Variants in UBXN2A observed in about 807,000 individuals in gnomAD.
UBXN2A encodes the protein UBX domain protein 2A.
A neutral mutation model predicts 28.4 loss-of-function variants in UBXN2A; 28 were observed. The ratio of observed to expected loss-of-function variants is 0.99; its 90% CI spans 0.73 to 1.35. UBXN2A has a LOEUF of 1.35. UBXN2A is among the 40% of genes most tolerant of loss of function. The pLI is 0.00. For synonymous variants in UBXN2A, 97 were observed against 103.6 expected (o/e 0.94, Z 0.39); for missense variants, 253 against 297.9 (o/e 0.85, Z 1.11).
At chr2:23,946,373 T>G (rs1250290584) in intron 1 of UBXN2A, among the ~76,000 whole-genome samples, 1 of 151,392 alleles carries the variant, frequency 6.6e-6, no homozygotes, top group Admixed American at 6.6e-5. Flanking sequence ...CAGGCTGGAG[T>G]GCAGTGGCGT....
chr2:23,960,611 T>C (rs983678493), intron 2 of UBXN2A, among the ~76,000 whole-genome samples: 1 of 152,122 alleles, frequency 6.6e-6, no homozygotes, highest in Non-Finnish European at 1.5e-5. Context: ...CATTGTCCTA[T>C]GCCTTGCCCC....
At chr2:23,992,172 A>G (rs545117990) in intron 6 of UBXN2A, among the ~76,000 whole-genome samples, 1 of 151,888 alleles carries the variant, frequency 6.6e-6, no homozygotes, top group East Asian at 2.0e-4. Flanking sequence ...GGGTTTCACC[A>G]TGTTGGCCAG....
intron 2 of UBXN2A, among the ~76,000 whole-genome samples, chr2:23,967,750 G>C (rs1218535236): frequency 6.6e-6 from 1 of 152,164 alleles, no homozygotes; most frequent in Non-Finnish European, 1.5e-5. Flanking sequence ...ATCTTAGGGT[G>C]TAACTATTTC....
rs1455234463 is a variant in UBXN2A at position 24,003,905 on chromosome 2, G to T, written c.*4038G>T. 6.6e-6 allele frequency: 1 copy of T among 152,040 alleles called. No individual in the cohort carries two copies. Among genetic ancestry groups the T allele is most frequent in the Admixed American group, 6.6e-5 (1 of 15,252 alleles). The allele number at this position is 152,040 out of a possible 1,614,324, so 9.4% of individuals were successfully genotyped here. A position where few individuals can be genotyped will look rare whatever the true frequency, so the allele number is the denominator to read the frequency against. On this transcript the variant is annotated 3_prime_UTR_variant, in exon 7 of 7. Coordinates refer to ENST00000309033, the MANE Select transcript of UBXN2A (RefSeq NM_181713.4). Reference sequence around the variant, plus strand: ...TCAACATATGATTCTCCATGTAGGGGTCTCTCATTGAGAATGTTTCCTGTG... The same window carrying T: ...TCAACATATGATTCTCCATGTAGGGTTCTCTCATTGAGAATGTTTCCTGTG...
chr2:23,970,358 A>C (rs1707363624), intron 2 of UBXN2A, among the ~76,000 whole-genome samples: 1 of 152,020 alleles, frequency 6.6e-6, no homozygotes, highest in Non-Finnish European at 1.5e-5. Flanking sequence ...ACCTAGAGAG[A>C]TTTTTGCCCC....
chr2:23,954,751 CA>C (rs1706532569), intron 1 of UBXN2A, among the ~76,000 whole-genome samples: 2 of 149,482 alleles, frequency 1.3e-5, no homozygotes, highest in Admixed American at 6.7e-5. Flanking sequence ...CCCATTTTTG[CA>C]TATCTTTTTT....
In UBXN2A at chr2:23,931,689, A is replaced by T. The variant is rs148146792; in HGVS notation, c.-138+4074A>T. Among the ~76,000 whole-genome samples the T allele has an allele frequency of 3.3e-3, 500 of 152,272 alleles. 4 individuals are homozygous for T. Among genetic ancestry groups the T allele is most frequent in the African/African-American group, 0.012 (486 of 41,558 alleles). On this transcript the variant is annotated intron_variant, in intron 1 of 7. Coordinates refer to the UBXN2A transcript ENST00000404924. ...CTTTCATTTCCAATGCATTTGCTCA[A>T]CCCCAGTGAATTTGACCTTTTCTCT...
intron 4 of UBXN2A, among the ~76,000 whole-genome samples, chr2:23,979,924 T>C (rs1203583781): frequency 1.3e-5 from 2 of 151,552 alleles, no homozygotes; most frequent in African/African-American, 4.9e-5. Context: ...TTTCTTTTAT[T>C]TATGTAAAAA....
At position 23,984,801 on chromosome 2, in the gene UBXN2A, G is replaced by T; in HGVS notation, c.554G>T (p.Arg185Met). Residue 185 changes from arginine to methionine, a missense_variant, in exon 6 of 7, where the codon AGG becomes ATG. Coordinates refer to ENST00000309033, the MANE Select transcript of UBXN2A (RefSeq NM_181713.4). ...CAGATCTGGTTGGCCAATGGAAAAA[G>T]GATTGTCCAGAAATTTAACATTACT... ...NIQIWLANGK[R>M]IVQKFNITHR... 6.4e-7 allele frequency: 1 copy of T among 1,556,936 alleles called. No individual in the cohort carries two copies. The highest frequency in any genetic ancestry group is 1.2e-5 in the South Asian group (1 of 80,124).
intron 6 of UBXN2A, among the ~76,000 whole-genome samples, chr2:23,992,647 C>A (rs1310362453): frequency 6.6e-6 from 1 of 152,028 alleles, no homozygotes; most frequent in East Asian, 1.9e-4. Context: ...CCTCAAATGC[C>A]AAGGTGCCAT....
rs1291505527 is a variant in UBXN2A at position 24,003,597 on chromosome 2, C to T, written c.*3730C>T. 1 of 151,886 alleles carries T rather than the reference C, an allele frequency of 6.6e-6. No homozygotes were observed. Among genetic ancestry groups the T allele is most frequent in the African/African-American group, 2.4e-5 (1 of 41,362 alleles). 9.4% of individuals were successfully genotyped at this position (151,886 alleles called of 1,614,324 possible). On this transcript the variant is annotated 3_prime_UTR_variant, in exon 7 of 7. Transcript: ENST00000309033. The stretch of plus-strand genomic sequence containing the variant: ...GGAAGAGAGGGAGGACAAAGGAGAG[C>T]CTTTTCTTTTGTCCATTACTCTTAG...
At chr2:23,941,637 T>A (rs78338674) in intron 1 of UBXN2A, among the ~76,000 whole-genome samples, 11,981 of 152,302 alleles carry the variant, frequency 0.079, 600 homozygotes, top group South Asian at 0.12. Context: ...TAATGTATAA[T>A]AATTAGCATA....
At chr2:23,973,747 C>T (rs1233339028) in intron 3 of UBXN2A, among the ~76,000 whole-genome samples, 1 of 152,038 alleles carries the variant, frequency 6.6e-6, no homozygotes, top group Non-Finnish European at 1.5e-5. Flanking sequence ...ATTCTCCTGC[C>T]TCAGCCTCCC....
Position 23,995,672 on chromosome 2 carries a change from G to A in UBXN2A, c.585-4000G>A, listed in dbSNP as rs7577287. On this transcript the variant is annotated intron_variant, in intron 6 of 6. Transcript: ENST00000309033. ...CACGCCACTGCACTCCAGCCTGGGC[G>A]ACAGAGCAAGACTCTGTCTCAAAAA... Among the ~76,000 whole-genome samples, 1,037 of 143,078 alleles carry A rather than the reference G, an allele frequency of 7.2e-3. 10 individuals are homozygous for A. The highest frequency in any genetic ancestry group is 0.026 in the African/African-American group (996 of 38,416). The allele number at this position is 143,078 out of a possible 152,430, so 93.9% of individuals were successfully genotyped here. A position where few individuals can be genotyped will look rare whatever the true frequency, so the allele number is the denominator to read the frequency against.
At chr2:23,992,233 G>C (rs1486510277) in intron 6 of UBXN2A, among the ~76,000 whole-genome samples, 1 of 152,132 alleles carries the variant, frequency 6.6e-6, no homozygotes, top group African/African-American at 2.4e-5. Flanking sequence ...GCCTCCCAAA[G>C]TGCTGGGATT....
At chr2:23,970,447 C>A (rs1424087651) in intron 2 of UBXN2A, among the ~76,000 whole-genome samples, 1 of 151,946 alleles carries the variant, frequency 6.6e-6, no homozygotes, top group Admixed American at 6.6e-5. Flanking sequence ...GGATGTGCAT[C>A]CTACTTGTTG....
At chr2:23,941,332 G>A (rs1705747233) in intron 1 of UBXN2A, among the ~76,000 whole-genome samples, 2 of 152,146 alleles carry the variant, frequency 1.3e-5, no homozygotes, top group Admixed American at 1.3e-4. Context: ...TTTGTTTTTA[G>A]GGGGGAAACT....
At chr2:23,997,370 A>C (rs1157594137) in intron 6 of UBXN2A, among the ~76,000 whole-genome samples, 3 of 152,236 alleles carry the variant, frequency 2.0e-5, no homozygotes, top group Non-Finnish European at 4.4e-5. Context: ...CTGTGATAAA[A>C]TAGCAATTTA....
At chr2:23,957,906 G>A (rs539085858) in intron 1 of UBXN2A, among the ~76,000 whole-genome samples, 1 of 152,132 alleles carries the variant, frequency 6.6e-6, no homozygotes, top group Admixed American at 6.6e-5. Context: ...GGGATTACAG[G>A]CATGAGCCAC....
Sources: allele counts gnomAD v4.1 joint callset (sites outside exome capture counted in the v4.1 genomes callset), GRCh38; gene constraint gnomAD v4.1.1; transcripts MANE v1.5; gene names NCBI Gene and HGNC (gene_info 2026-07-23, HGNC 2026-07-21).